MYH15: variants seen among roughly 807,000 people sequenced by gnomAD.
The protein encoded by MYH15 is myosin-15.
A neutral mutation model predicts 240.5 loss-of-function variants in MYH15; 227 were observed. The observed-to-expected ratio is 0.94, with a 90% CI of 0.85 to 1.05. The LOEUF is 1.05. Ranked by LOEUF, MYH15 falls within the 50% of genes least tolerant of loss-of-function variation. The probability of loss-of-function intolerance (pLI) is 0.00; values close to 1 mark genes in which losing one functional copy is unlikely to be tolerated. For synonymous variants in MYH15, 785 were observed against 796.7 expected (o/e 0.99, Z 0.25); for missense variants, 2,217 against 2,247.5 (o/e 0.99, Z 0.27).
chr3:108,433,185 T>G (rs184705633), intron 25 of MYH15, among the ~76,000 whole-genome samples: 1 of 152,234 alleles, frequency 6.6e-6, no homozygotes, highest in African/African-American at 2.4e-5. Context: ...GACACGGAGA[T>G]CATTTTGGAG....
rs2083306895 is a variant in MYH15, at chr3:108,486,458, TCTCCACAGTAACTG to T, written c.926_939del (p.Ala309GlufsTer4). The T allele has an allele frequency of 6.2e-7, 1 of 1,611,554 alleles. No individual in the cohort carries two copies. Among genetic ancestry groups the T allele is most frequent in the Non-Finnish European group, 8.5e-7 (1 of 1,178,366 alleles). ...AGCAATTCTTCAGCATCATCCAAGCTCTCCACAGTAACTGCTCCACAGGAGCAAAAGTGGAAGTC... is the reference window on the plus strand; with the variant it reads ...AGCAATTCTTCAGCATCATCCAAGCTCTCCACAGGAGCAAAAGTGGAAGTC... On this transcript the variant is annotated frameshift_variant, in exon 10 of 41. Transcript: ENST00000693548. LOFTEE classifies it high-confidence loss of function.
At position 108,399,138 on chromosome 3, in the gene MYH15, G is replaced by A; in HGVS notation, c.4866C>T (p.Ser1622=). The change falls in exon 34 of 41, where the codon AGC becomes AGT. Residue 1622 remains serine, a synonymous_variant. Transcript: ENST00000693548. ...CTTCTGACACCTGCCGGTTGGCACA[G>A]CTAAGCTGGAGTTCCATCTCATTGA... ...EDLNEMELQL[S]CANRQVSEAT... 6.2e-7 allele frequency: 1 copy of A among 1,614,216 alleles called. No individual in the cohort carries two copies. The highest frequency in any genetic ancestry group is 8.5e-7 in the Non-Finnish European group (1 of 1,180,040).
intron 7 of MYH15, among the ~76,000 whole-genome samples, chr3:108,493,516 A>T (rs1482300138): frequency 6.6e-6 from 1 of 152,210 alleles, no homozygotes; most frequent in Non-Finnish European, 1.5e-5. Flanking sequence ...TTATCTAAAG[A>T]TGAGAAAAAT....
At chr3:108,464,992 C>T (rs550756902) in intron 14 of MYH15, among the ~76,000 whole-genome samples, 178 bp from the exon 15 acceptor site, 4 of 152,276 alleles carry the variant, frequency 2.6e-5, no homozygotes, top group South Asian at 4.1e-4. Flanking sequence ...TACTTAATAA[C>T]GATACCAATA....
At chr3:108,461,565 T>A (rs1331650085) in intron 16 of MYH15, 1 of 152,182 alleles carries the variant, frequency 6.6e-6, no homozygotes, top group Non-Finnish European at 1.5e-5. Context: ...AGAAGACGAT[T>A]TCTCCTCTAA....
At chr3:108,384,985 C>G (rs1447965650) in intron 38 of MYH15, among the ~76,000 whole-genome samples, 1 of 152,180 alleles carries the variant, frequency 6.6e-6, no homozygotes, top group African/African-American at 2.4e-5. Flanking sequence ...TTGTCCTGAT[C>G]CATCAACCTT....
At chr3:108,409,275 G>A (rs911739229) in intron 31 of MYH15, among the ~76,000 whole-genome samples, 4 of 152,226 alleles carry the variant, frequency 2.6e-5, no homozygotes, top group Non-Finnish European at 5.9e-5. Flanking sequence ...TTATCAAGAA[G>A]AAAATCAGGG....
chr3:108,541,703 C>T, the MYH15 span, among the ~76,000 whole-genome samples: 1 of 151,990 alleles, frequency 6.6e-6, no homozygotes, highest in Non-Finnish European at 1.5e-5. Context: ...TGAATGACAT[C>T]TGTATAATAA....
intron 32 of MYH15, among the ~76,000 whole-genome samples, chr3:108,408,008 A>G (rs929588139): frequency 6.6e-6 from 1 of 152,226 alleles, no homozygotes; most frequent in Non-Finnish European, 1.5e-5. Flanking sequence ...AAACTGGTGA[A>G]CAAGATAGAT....
chr3:108,499,381 C>T lies in MYH15; in HGVS notation c.524+74G>A, dbSNP rs372254764. 2.5e-4 allele frequency: 359 copies of T among 1,426,748 alleles called. 1 individual carries two copies. The highest frequency in any genetic ancestry group is 1.6e-3 in the South Asian group (135 of 83,530). 88.4% of individuals were successfully genotyped at this position (1,426,748 alleles called of 1,614,324 possible). A position where few individuals can be genotyped will look rare whatever the true frequency, so the allele number is the denominator to read the frequency against. On this transcript the variant is annotated intron_variant, in intron 5 of 40. Coordinates refer to ENST00000693548, the MANE Select transcript of MYH15 (RefSeq NM_014981.3). The stretch of plus-strand genomic sequence containing the variant: ...AAAGATGGCGAATCAAAGTTTTATT[C>T]CCAGTGAAATGGAGGTATCTATTTC...
the MYH15 span, among the ~76,000 whole-genome samples, chr3:108,542,168 C>T: frequency 1.3e-5 from 2 of 152,126 alleles, no homozygotes; most frequent in Admixed American, 6.5e-5. Context: ...AAGATAGTTC[C>T]GTGTGTCCAT....
chr3:108,427,612 CACACAACACACACACACACACACAG>C (rs990912232), intron 27 of MYH15, among the ~76,000 whole-genome samples: 2 of 95,312 alleles, frequency 2.1e-5, no homozygotes, highest in East Asian at 3.4e-4. Flanking sequence ...CACACACACA[CACACAACACACACACACACACACAG>C]AGAGAGAGAG....
At chr3:108,466,524 T>G (rs2083119505) in intron 14 of MYH15, among the ~76,000 whole-genome samples, 1 of 152,092 alleles carries the variant, frequency 6.6e-6, no homozygotes, top group African/African-American at 2.4e-5. Context: ...GGCTCAAAAG[T>G]TCCCTTTCTG....
chr3:108,403,199 A>G (rs1173837151), intron 33 of MYH15, among the ~76,000 whole-genome samples: 1 of 152,198 alleles, frequency 6.6e-6, no homozygotes, highest in Non-Finnish European at 1.5e-5. Context: ...CTCATTCAGA[A>G]TCAGGCCTCA....
chr3:108,425,890 TC>T (rs2082721427), intron 27 of MYH15, among the ~76,000 whole-genome samples: 1 of 152,088 alleles, frequency 6.6e-6, no homozygotes, highest in Non-Finnish European at 1.5e-5. Flanking sequence ...TCTGCTGAGG[TC>T]TTAAATGGAA....
intron 1 of MYH15, among the ~76,000 whole-genome samples, chr3:108,517,497 T>TGTTG (rs2083583096): frequency 6.6e-6 from 1 of 152,118 alleles, no homozygotes. Context: ...CATGAATGGC[T>TGTTG]AATTTTTGTA....
At chr3:108,453,072 T>C (rs1300853063) in intron 21 of MYH15, among the ~76,000 whole-genome samples, 2 of 152,218 alleles carry the variant, frequency 1.3e-5, no homozygotes, top group Non-Finnish European at 2.9e-5. Flanking sequence ...TCACAATAAC[T>C]TTTGAAGTCA....
At chr3:108,469,201 T>C (rs1302489622) in intron 14 of MYH15, among the ~76,000 whole-genome samples, 1 of 152,206 alleles carries the variant, frequency 6.6e-6, no homozygotes, top group Non-Finnish European at 1.5e-5. Context: ...GAGAGGTCAG[T>C]TGCCCTAGCT....
intron 6 of MYH15, 53 bp from the exon 7 acceptor site, chr3:108,495,925 T>C: frequency 7.9e-6 from 11 of 1,390,012 alleles, no homozygotes; most frequent in South Asian, 7.9e-5. Flanking sequence ...TAGAATTCTG[T>C]AATGCGGCAA....
Sources: gnomAD v4.1 joint callset for allele counts (sites outside exome capture counted in the v4.1 genomes callset) on GRCh38, gnomAD v4.1.1 for gene constraint, MANE v1.5 for transcripts, NCBI Gene and HGNC (gene_info 2026-07-23, HGNC 2026-07-21) for gene names.